Variants in SHISAL1 observed in about 807,000 individuals in gnomAD.
The protein encoded by SHISAL1 is protein shisa-like-1.
SHISAL1 carries 9 observed loss-of-function variants against 22.6 expected under a neutral mutation model. The observed-to-expected ratio is 0.40, with a 90% CI of 0.24 to 0.70. The LOEUF (loss-of-function observed/expected upper bound fraction) is 0.70. Among genes scored for constraint, SHISAL1 ranks in the 30% least tolerant of loss-of-function variants. The pLI is 0.39. For synonymous variants in SHISAL1, 119 were observed against 115.4 expected (o/e 1.03, Z -0.20); for missense variants, 246 against 270.6 (o/e 0.91, Z 0.64).
chr22:44,265,009 C>G (rs969270330), intron 4 of SHISAL1, among the ~76,000 whole-genome samples: 1 of 144,024 alleles, frequency 6.9e-6, no homozygotes, highest in Non-Finnish European at 1.5e-5. Context: ...CAACAGAGAC[C>G]CCAACACACA....
At chr22:44,309,378 C>A (rs2147310905) in intron 1 of SHISAL1, among the ~76,000 whole-genome samples, 1 of 152,282 alleles carries the variant, frequency 6.6e-6, no homozygotes, top group East Asian at 1.9e-4. Flanking sequence ...GGAGCCCCAC[C>A]AACAGTCCTG....
chr22:44,318,941 G>A, the SHISAL1 span, among the ~76,000 whole-genome samples: 30 of 152,352 alleles, frequency 2.0e-4, 1 homozygote, highest in Admixed American at 1.4e-3. Flanking sequence ...TCCAGGATGC[G>A]GCGCTGGCCA....
intron 2 of SHISAL1, among the ~76,000 whole-genome samples, chr22:44,300,140 C>T (rs909695459): frequency 6.7e-6 from 1 of 150,020 alleles, no homozygotes; most frequent in African/African-American, 2.5e-5. Flanking sequence ...GACAGAGAGA[C>T]AGAAACAGAG....
In SHISAL1 at chr22:44,245,889, C is replaced by T. The variant is rs1398695920; in HGVS notation, c.*3796G>A. On this transcript the variant is annotated 3_prime_UTR_variant, in exon 5 of 5. Transcript: ENST00000381176. ...TCTGATGATGAGGGGAGATGCCACT[C>T]ACCCTGGGAACACTGTCAGCTGCCT... The T allele has an allele frequency of 6.6e-6, 1 of 152,280 alleles. No homozygotes were observed. The highest frequency in any genetic ancestry group is 1.5e-5 in the Non-Finnish European group (1 of 68,054). 9.4% of individuals were successfully genotyped at this position (152,280 alleles called of 1,614,324 possible). A position where few individuals can be genotyped will look rare whatever the true frequency, so the allele number is the denominator to read the frequency against.
the SHISAL1 span, among the ~76,000 whole-genome samples, chr22:44,318,146 G>C: frequency 4.6e-5 from 7 of 152,244 alleles, 1 homozygote; most frequent in Admixed American, 4.6e-4. Flanking sequence ...CCTCTATCCC[G>C]AGAGTCCTCT....
intron 3 of SHISAL1, among the ~76,000 whole-genome samples, chr22:44,289,607 C>T (rs563904446): frequency 3.3e-5 from 5 of 152,272 alleles, no homozygotes; most frequent in African/African-American, 9.6e-5. Context: ...GCCTGCCTGC[C>T]GGGGGGTGTT....
At chr22:44,260,819 C>T (rs151108277) in intron 4 of SHISAL1, among the ~76,000 whole-genome samples, 275 of 152,202 alleles carry the variant, frequency 1.8e-3, no homozygotes, top group African/African-American at 6.5e-3. Flanking sequence ...AGCGTCACTC[C>T]TGACTTTGGC....
At chr22:44,303,194 T>C (rs2055444942) in intron 1 of SHISAL1, among the ~76,000 whole-genome samples, 1 of 152,020 alleles carries the variant, frequency 6.6e-6, no homozygotes, top group Non-Finnish European at 1.5e-5. Flanking sequence ...TGTGCCCGGC[T>C]CTGGGCCAGA....
rs539224290 is a variant in SHISAL1, at chr22:44,255,068, G to A, written c.*-5383C>T. Among the ~76,000 whole-genome samples the A allele has an allele frequency of 7.2e-5, 11 of 152,080 alleles. No individual in the cohort carries two copies. The East Asian group carries it at 1.4e-3, about 19-fold the overall frequency. On this transcript the variant is annotated intron_variant, in intron 4 of 4. Coordinates refer to ENST00000381176, the MANE Select transcript of SHISAL1 (RefSeq NM_001099294.2). ...TCCTGATCCTCCTCCTCCTCCCACC[G>A]CTCCTGCTCCAGCCCTTTGCTGGTC...
chr22:44,249,947 C>G (rs1445893531), intron 4 of SHISAL1, among the ~76,000 whole-genome samples: 3 of 152,056 alleles, frequency 2.0e-5, no homozygotes, highest in African/African-American at 7.2e-5. Context: ...ATAGAAGAAC[C>G]AAAATTACAG....
At chr22:44,289,995 C>G (rs1168532149) in intron 3 of SHISAL1, among the ~76,000 whole-genome samples, 1 of 152,208 alleles carries the variant, frequency 6.6e-6, no homozygotes. Flanking sequence ...GTTTCCCAAG[C>G]AGTAAACAAA....
chr22:44,263,610 C>T (rs189734228), intron 4 of SHISAL1, among the ~76,000 whole-genome samples: 1 of 152,306 alleles, frequency 6.6e-6, no homozygotes, highest in Admixed American at 6.5e-5. Context: ...GGCCTGATGC[C>T]ATCACAGGGT....
the SHISAL1 span, among the ~76,000 whole-genome samples, chr22:44,321,667 G>A: frequency 3.3e-5 from 5 of 152,282 alleles, no homozygotes; most frequent in Admixed American, 6.5e-5. Flanking sequence ...ACAAGTGGCC[G>A]GCCCATGCCT....
chr22:44,255,106 C>T lies in SHISAL1; in HGVS notation c.*-5421G>A, dbSNP rs181636966. Reference sequence around the variant, plus strand: ...CCCTTTGCTGGTCTGCCCACATCTTCCTGACCTTCTCTTCTCCACAATTTC... The same window carrying T: ...CCCTTTGCTGGTCTGCCCACATCTTTCTGACCTTCTCTTCTCCACAATTTC... On this transcript the variant is annotated intron_variant, in intron 4 of 4. Transcript: ENST00000381176. Among the ~76,000 whole-genome samples, 71 of 152,266 alleles carry T rather than the reference C, an allele frequency of 4.7e-4. 1 individual carries two copies. The highest frequency in any genetic ancestry group is 4.6e-3 in the Admixed American group (70 of 15,290).
intron 1 of SHISAL1, among the ~76,000 whole-genome samples, chr22:44,305,255 C>T (rs1436272346): frequency 6.6e-6 from 1 of 152,214 alleles, no homozygotes; most frequent in Non-Finnish European, 1.5e-5. Context: ...GACCTGCACT[C>T]GGGGCCAGGC....
chr22:44,322,419 C>T, the SHISAL1 span, among the ~76,000 whole-genome samples: 22 of 152,272 alleles, frequency 1.4e-4, 3 homozygotes, highest in Admixed American at 1.2e-3. Context: ...CAGGTCTCCT[C>T]AGGAGGGGAC....
rs117184654 is a variant in SHISAL1 at position 44,307,707 on chromosome 22, C to T, written c.-33+5044G>A. ...TCCGGTCAGCCTGGGACTGCTGCTC[C>T]GAGATTTGAAGGTTATTTTTAAACA... On this transcript the variant is annotated intron_variant, in intron 1 of 4. Coordinates refer to ENST00000381176, the MANE Select transcript of SHISAL1 (RefSeq NM_001099294.2). 1.3e-3 allele frequency among the ~76,000 whole-genome samples: 196 copies of T among 152,216 alleles called. 1 individual carries two copies. In the East Asian group the frequency reaches 0.028, roughly 22 times the overall value.
intron 1 of SHISAL1, among the ~76,000 whole-genome samples, chr22:44,301,787 A>G (rs534405508): frequency 1.3e-5 from 2 of 152,306 alleles, no homozygotes; most frequent in East Asian, 3.9e-4. Context: ...ATGCCTATGA[A>G]CTAGGCAAGG....
At chr22:44,327,207 A>G in the SHISAL1 span, among the ~76,000 whole-genome samples, 1 of 135,834 alleles carries the variant, frequency 7.4e-6, no homozygotes, top group Admixed American at 7.7e-5. Flanking sequence ...CACCCTGCCC[A>G]CCCCCTTGAG....
Sources: allele counts gnomAD v4.1 joint callset (sites outside exome capture counted in the v4.1 genomes callset), GRCh38; gene constraint gnomAD v4.1.1; transcripts MANE v1.5; gene names NCBI Gene and HGNC (gene_info 2026-07-23, HGNC 2026-07-21).